CDKL3: variants seen among roughly 807,000 people sequenced by gnomAD.
CDKL3 encodes the protein cyclin dependent kinase like 3, also known as cyclin-dependent kinase-like 3.
CDKL3 carries 65 observed loss-of-function variants against 69.3 expected under a neutral mutation model. That is an observed-to-expected ratio of 0.94 (90% CI 0.77 to 1.15). CDKL3 has a LOEUF of 1.15. CDKL3 is among the 50% of genes most tolerant of loss of function. The pLI is 0.00. For missense variants in CDKL3, 652 were observed against 689.2 expected, an observed-to-expected ratio of 0.95 and a Z score of 0.61; for synonymous variants, 202 against 221.6, an observed-to-expected ratio of 0.91 and a Z score of 0.79.
chr5:134,368,601 A>T (rs1325318746), upstream of CDKL3, among the ~76,000 whole-genome samples: 1 of 138,248 alleles, frequency 7.2e-6, no homozygotes, highest in African/African-American at 2.7e-5. Context: ...CCTGGGTGGC[A>T]GAGCGAGACT....
rs1460108458 is a variant in CDKL3, at chr5:134,326,815, GTGTATATATATATATATATATATATA to G, written c.540-4938_540-4913del. Among the ~76,000 whole-genome samples, 16 of 81,530 alleles carry G rather than the reference GTGTATATATATATATATATATATATA, an allele frequency of 2.0e-4. No homozygotes were observed. The South Asian group carries it at 2.7e-3, about 14-fold the overall frequency. 53.5% of individuals were successfully genotyped at this position (81,530 alleles called of 152,430 possible). A position where few individuals can be genotyped will look rare whatever the true frequency, so the allele number is the denominator to read the frequency against. ...CGTGTGTGTATATATATATATGTGT[GTGTATATATATATATATATATATATA>G]TATATATATATATATATATATATAT... On this transcript the variant is annotated intron_variant, in intron 4 of 12. Transcript: ENST00000265334.
intron 3 of CDKL3, among the ~76,000 whole-genome samples, chr5:134,350,834 A>G (rs945042460): frequency 2.0e-5 from 3 of 148,624 alleles, no homozygotes; most frequent in African/African-American, 5.1e-5. Context: ...AAAAAAAGAA[A>G]AAAAAAAAAA....
In CDKL3 at chr5:134,329,626, C is replaced by A. The variant is rs529175325; in HGVS notation, c.540-7723G>T. On this transcript the variant is annotated intron_variant, in intron 4 of 12. Coordinates refer to ENST00000265334, the MANE Select transcript of CDKL3 (RefSeq NM_001113575.2). Reference sequence around the variant, plus strand: ...CTGGGATTACAGGCACCCGCCACTACGCCCGGCTAATTTTTTGTATTTTTA... The same window carrying A: ...CTGGGATTACAGGCACCCGCCACTAAGCCCGGCTAATTTTTTGTATTTTTA... 7.9e-5 allele frequency among the ~76,000 whole-genome samples: 12 copies of A among 151,706 alleles called. No homozygotes were observed. The East Asian group carries it at 1.4e-3, about 17-fold the overall frequency.
chr5:134,365,528 A>C (rs1350508510), intron 2 of CDKL3, among the ~76,000 whole-genome samples: 2 of 152,162 alleles, frequency 1.3e-5, no homozygotes, highest in Non-Finnish European at 2.9e-5. Context: ...AAATTCCTTA[A>C]TTGAACTCCT....
chr5:134,303,864 T>A (rs1561502827), intron 11 of CDKL3, among the ~76,000 whole-genome samples: 1 of 151,824 alleles, frequency 6.6e-6, no homozygotes, highest in Non-Finnish European at 1.5e-5. Context: ...AATAAATAAA[T>A]AAATAAATTT....
intron 12 of CDKL3, among the ~76,000 whole-genome samples, chr5:134,301,678 G>A (rs977353429): frequency 6.6e-6 from 1 of 151,956 alleles, no homozygotes; most frequent in East Asian, 1.9e-4. Context: ...TCAGGAGATC[G>A]AGACCATCCT....
intron 7 of CDKL3, among the ~76,000 whole-genome samples, chr5:134,310,284 C>T (rs1249369158): frequency 6.6e-6 from 1 of 151,904 alleles, no homozygotes; most frequent in East Asian, 1.9e-4. Flanking sequence ...CTCCCGTGTT[C>T]ACACCATTCT....
intron 3 of CDKL3, among the ~76,000 whole-genome samples, chr5:134,353,989 A>G (rs1256509493): frequency 1.3e-5 from 2 of 152,162 alleles, no homozygotes; most frequent in Non-Finnish European, 2.9e-5. Flanking sequence ...CCTAGCCTAT[A>G]GAATATTAGT....
intron 4 of CDKL3, among the ~76,000 whole-genome samples, chr5:134,337,744 A>G (rs932097124): frequency 5.9e-5 from 9 of 152,194 alleles, no homozygotes; most frequent in African/African-American, 1.4e-4. Context: ...TAAAGCATCA[A>G]TGCTTTCACC....
downstream of CDKL3, among the ~76,000 whole-genome samples, chr5:134,294,311 A>G (rs1458887447): frequency 1.3e-5 from 2 of 152,140 alleles, no homozygotes; most frequent in Non-Finnish European, 2.9e-5. Context: ...TTCAACACCC[A>G]TTCATGGTAA....
In CDKL3 at chr5:134,367,164, T is replaced by C. The variant is rs563213675; in HGVS notation, c.-209A>G. On this transcript the variant is annotated 5_prime_UTR_variant, in exon 1 of 13. Coordinates refer to ENST00000265334, the MANE Select transcript of CDKL3 (RefSeq NM_001113575.2). Reference sequence around the variant, plus strand: ...ACCATGGAAACGCCGGCGGAGTTGCTGCGTTCTAGACTCGTGCGCAAGACC... The same window carrying C: ...ACCATGGAAACGCCGGCGGAGTTGCCGCGTTCTAGACTCGTGCGCAAGACC... The C allele has an allele frequency of 1.9e-5, 19 of 985,774 alleles. No homozygotes were observed. The highest frequency in any genetic ancestry group is 3.5e-5 in the African/African-American group (2 of 57,322). The allele number at this position is 985,774 out of a possible 1,614,324, so 61.1% of individuals were successfully genotyped here.
intron 3 of CDKL3, 49 bp from the exon 4 acceptor site, chr5:134,350,476 C>T: frequency 7.9e-7 from 1 of 1,261,294 alleles, no homozygotes; most frequent in Non-Finnish European, 1.1e-6. Context: ...ATTTCATTAT[C>T]CAGAATCTCT....
chr5:134,368,264 G>GA (rs1422878753), upstream of CDKL3, among the ~76,000 whole-genome samples: 3 of 152,198 alleles, frequency 2.0e-5, no homozygotes, highest in African/African-American at 7.2e-5. Flanking sequence ...TATATTGAGA[G>GA]AAAGGAGAAG....
intron 3 of CDKL3, among the ~76,000 whole-genome samples, chr5:134,350,654 A>C (rs1382625825): frequency 6.6e-6 from 1 of 152,034 alleles, no homozygotes; most frequent in Non-Finnish European, 1.5e-5. Context: ...AATACTAAAA[A>C]GGCAAATAAC....
downstream of CDKL3, among the ~76,000 whole-genome samples, chr5:134,285,841 C>G (rs527379400): frequency 3.9e-5 from 6 of 152,268 alleles, no homozygotes; most frequent in Admixed American, 3.9e-4. Context: ...TTTCTTCCAC[C>G]AGTTGGGTGC....
At chr5:134,352,299 T>G (rs1467716252) in intron 3 of CDKL3, among the ~76,000 whole-genome samples, 1 of 148,708 alleles carries the variant, frequency 6.7e-6, no homozygotes, top group Admixed American at 6.8e-5. Context: ...ACACTTAGGT[T>G]GATTTTTTTT....
chr5:134,295,847 T>C (rs1184311240), downstream of CDKL3, among the ~76,000 whole-genome samples: 1 of 152,198 alleles, frequency 6.6e-6, no homozygotes, highest in Non-Finnish European at 1.5e-5. Context: ...CTGTACCACA[T>C]AGAAGGCATT....
At chr5:134,313,541 A>G (rs1202039759) in intron 6 of CDKL3, among the ~76,000 whole-genome samples, 1 of 152,184 alleles carries the variant, frequency 6.6e-6, no homozygotes, top group Non-Finnish European at 1.5e-5. Context: ...TTAAGATCTC[A>G]TAAGTAGAGG....
chr5:134,297,945 TG>T (rs1274650724), downstream of CDKL3, among the ~76,000 whole-genome samples: 22 of 135,008 alleles, frequency 1.6e-4, no homozygotes, highest in African/African-American at 5.3e-4. Flanking sequence ...TGTGTGTGTG[TG>T]TTTTGAGACA....
Sources: gnomAD v4.1 joint callset for allele counts (sites outside exome capture counted in the v4.1 genomes callset) on GRCh38, gnomAD v4.1.1 for gene constraint, MANE v1.5 for transcripts, NCBI Gene and HGNC (gene_info 2026-07-23, HGNC 2026-07-21) for gene names.